Variants in MACROD2 observed in about 807,000 individuals in gnomAD.
MACROD2 encodes the protein ADP-ribose glycohydrolase MACROD2.
A neutral mutation model predicts 70.4 loss-of-function variants in MACROD2; 36 were observed. That is an observed-to-expected ratio of 0.51 (90% CI 0.39 to 0.68). The LOEUF (loss-of-function observed/expected upper bound fraction) is 0.68, where lower values mean the gene tolerates loss of function less well. Among genes scored for constraint, MACROD2 ranks in the 30% least tolerant of loss-of-function variants. MACROD2 has a pLI of 0.00. For missense variants in MACROD2, 496 were observed against 538.4 expected, an observed-to-expected ratio of 0.92 and a Z score of 0.78; for synonymous variants, 172 against 178.8, an observed-to-expected ratio of 0.96 and a Z score of 0.30.
intron 6 of MACROD2, among the ~76,000 whole-genome samples, chr20:15,323,117 T>G (rs1442627324): frequency 1.7e-4 from 18 of 103,938 alleles, no homozygotes; most frequent in South Asian, 3.2e-4. Flanking sequence ...TATTGCTTAA[T>G]TTGCCTTTGC....
At chr20:15,118,942 A>T (rs1327377707) in intron 5 of MACROD2, among the ~76,000 whole-genome samples, 1 of 152,222 alleles carries the variant, frequency 6.6e-6, no homozygotes, top group Non-Finnish European at 1.5e-5. Flanking sequence ...CACTGCCATG[A>T]GAGAGCATCC....
chr20:15,844,918 AAAAAT>A (rs1487210702), intron 8 of MACROD2, among the ~76,000 whole-genome samples: 1 of 152,138 alleles, frequency 6.6e-6, no homozygotes, highest in Non-Finnish European at 1.5e-5. Flanking sequence ...TAGAAAGCAT[AAAAAT>A]ATGTTGCAAG....
chr20:14,326,481 C>T lies in MACROD2; in HGVS notation c.272-166998C>T, dbSNP rs1249079714. The T allele has an allele frequency of 1.9e-6, 3 of 1,613,894 alleles. No homozygotes were observed. The Admixed American group carries it at 5.0e-5, about 27-fold the overall frequency. On this transcript the variant is annotated intron_variant, in intron 3 of 17. Coordinates refer to ENST00000684519, the MANE Select transcript of MACROD2 (RefSeq NM_001351661.2). This position sits in a 1 kb window ranked among gnomAD's most constrained non-coding sequence, Gnocchi z 5.5. ...CTGCATTGAGATCCTTAATAGCCAT[C>T]CCACGAACCTTTTCTGGGGCTTGGC...
chr20:15,159,473 AATAT>A (rs1355168255), intron 5 of MACROD2, among the ~76,000 whole-genome samples: 2 of 152,110 alleles, frequency 1.3e-5, no homozygotes, highest in African/African-American at 2.4e-5. Flanking sequence ...GAGTGATTGA[AATAT>A]ACTCTTTGAC....
At chr20:15,839,773 G>A (rs1266695508) in intron 8 of MACROD2, among the ~76,000 whole-genome samples, 1 of 152,044 alleles carries the variant, frequency 6.6e-6, no homozygotes, top group Non-Finnish European at 1.5e-5. Flanking sequence ...TAGTTCATAT[G>A]TCTATATATC....
At chr20:14,434,081 T>A (rs999642669) in intron 3 of MACROD2, among the ~76,000 whole-genome samples, 1 of 152,198 alleles carries the variant, frequency 6.6e-6, no homozygotes, top group African/African-American at 2.4e-5. Flanking sequence ...ATGTTTTTAT[T>A]GCCAGTAAGT....
At chr20:15,296,067 C>G (rs1426803614) in intron 6 of MACROD2, among the ~76,000 whole-genome samples, 1 of 152,192 alleles carries the variant, frequency 6.6e-6, no homozygotes, top group Admixed American at 6.6e-5. Flanking sequence ...AACATATTTT[C>G]ATACTTTCTC....
chr20:15,626,068 C>CT (rs1476345463), intron 8 of MACROD2, among the ~76,000 whole-genome samples: 7 of 152,116 alleles, frequency 4.6e-5, no homozygotes, highest in African/African-American at 1.7e-4. Context: ...TGATAATATG[C>CT]TGCACCTGCA....
intron 8 of MACROD2, among the ~76,000 whole-genome samples, chr20:15,768,999 C>A (rs1458304398): frequency 6.6e-6 from 1 of 152,168 alleles, no homozygotes; most frequent in Non-Finnish European, 1.5e-5. Flanking sequence ...GATAATGATA[C>A]CTTCTTCTGG....
intron 6 of MACROD2, among the ~76,000 whole-genome samples, chr20:15,400,147 T>C (rs896953317): frequency 1.3e-5 from 2 of 152,248 alleles, no homozygotes; most frequent in African/African-American, 4.8e-5. Flanking sequence ...TGTATTTGTC[T>C]CCTACATTGA....
At chr20:14,489,591 A>G (rs531550795) in intron 3 of MACROD2, among the ~76,000 whole-genome samples, 1 of 152,290 alleles carries the variant, frequency 6.6e-6, no homozygotes, top group East Asian at 1.9e-4. Flanking sequence ...CATGTGCTCT[A>G]TTGTAATAAG....
At chr20:14,785,801 T>C (rs1205723808) in intron 5 of MACROD2, among the ~76,000 whole-genome samples, 1 of 152,110 alleles carries the variant, frequency 6.6e-6, no homozygotes, top group Non-Finnish European at 1.5e-5. Context: ...ATCATCTTTC[T>C]CTCTGTATTT....
At chr20:15,198,655 T>G (rs74886784) in intron 5 of MACROD2, among the ~76,000 whole-genome samples, 2,783 of 152,334 alleles carry the variant, frequency 0.018, 86 homozygotes, top group African/African-American at 0.064. Context: ...GTTAATGGAC[T>G]ATAATTCATT....
intron 3 of MACROD2, among the ~76,000 whole-genome samples, chr20:14,430,821 G>T (rs1193885111): frequency 6.6e-6 from 1 of 152,104 alleles, no homozygotes; most frequent in African/African-American, 2.4e-5. Flanking sequence ...TGCATGAGAG[G>T]AGGAGACCCA....
At chr20:15,428,307 C>T (rs2046324364) in intron 6 of MACROD2, among the ~76,000 whole-genome samples, 1 of 152,258 alleles carries the variant, frequency 6.6e-6, no homozygotes, top group Middle Eastern at 3.4e-3. Context: ...TTGTTGAAAA[C>T]ATTTTGCTAT....
chr20:14,868,804 T>C (rs2073456024), intron 5 of MACROD2, among the ~76,000 whole-genome samples: 1 of 152,140 alleles, frequency 6.6e-6, no homozygotes, highest in Non-Finnish European at 1.5e-5. Flanking sequence ...GGTATTGGTA[T>C]GTCGAAAGTG....
At chr20:14,213,008 G>C (rs1404018065) in intron 3 of MACROD2, among the ~76,000 whole-genome samples, 2 of 151,894 alleles carry the variant, frequency 1.3e-5, no homozygotes, top group Non-Finnish European at 2.9e-5. Context: ...AACAGAATGA[G>C]TGTGGGGTAG....
intron 6 of MACROD2, among the ~76,000 whole-genome samples, chr20:15,312,849 A>G (rs1363298652): frequency 5.3e-5 from 8 of 152,142 alleles, no homozygotes; most frequent in Non-Finnish European, 1.2e-4. Context: ...GTGTGTGTAT[A>G]TGTATGTATA....
At chr20:15,883,496 A>T (rs2064783970) in intron 9 of MACROD2, among the ~76,000 whole-genome samples, 2 of 152,116 alleles carry the variant, frequency 1.3e-5, no homozygotes, top group Non-Finnish European at 2.9e-5. Context: ...ATGGTAAAAA[A>T]ATTACTTCTT....
Sources: allele counts gnomAD v4.1 joint callset (sites outside exome capture counted in the v4.1 genomes callset), GRCh38; gene constraint gnomAD v4.1.1; non-coding constraint Gnocchi (gnomAD v3.1); transcripts MANE v1.5; gene names NCBI Gene and HGNC (gene_info 2026-07-23, HGNC 2026-07-21).